The following TEP1 variants were observed in gnomAD, a reference collection of about 807,000 sequenced individuals.
The protein encoded by TEP1 is telomerase associated protein 1, also known as telomerase protein component 1.
In TEP1, 241 loss-of-function variants were observed where a neutral mutation model predicts 306.3. That is an observed-to-expected ratio of 0.79 (90% CI 0.71 to 0.88). The LOEUF (loss-of-function observed/expected upper bound fraction) is 0.88, where lower values mean the gene tolerates loss of function less well. Among genes scored for constraint, TEP1 ranks in the 40% least tolerant of loss-of-function variants. TEP1 has a pLI of 0.00. For synonymous variants in TEP1, 1,289 were observed against 1,305.5 expected (o/e 0.99, Z 0.27); for missense variants, 3,051 against 3,276.1 (o/e 0.93, Z 1.68).
intron 1 of TEP1, among the ~76,000 whole-genome samples, chr14:20,413,181 C>T (rs1879805983): frequency 6.6e-6 from 1 of 152,146 alleles, no homozygotes; most frequent in South Asian, 2.1e-4. Flanking sequence ...TTCTCACCTC[C>T]CCTTTCACGC....
Position 20,377,108 on chromosome 14 carries a change from G to A in TEP1, c.6088+172C>T, listed in dbSNP as rs1458705549. Among the ~76,000 whole-genome samples the A allele has an allele frequency of 4.6e-5, 7 of 152,148 alleles. No individual in the cohort carries two copies. In the East Asian group the frequency reaches 1.4e-3, roughly 29 times the overall value. ...CGCATGCCTGTAATCCCAGCTACTCGGGAGGCCGAGACAGGAGAATTGCTT... is the reference window on the plus strand; with the variant it reads ...CGCATGCCTGTAATCCCAGCTACTCAGGAGGCCGAGACAGGAGAATTGCTT... On this transcript the variant is annotated intron_variant, in intron 41 of 54. Transcript: ENST00000262715.
chr14:20,392,973 C>A (rs566706267), intron 12 of TEP1, among the ~76,000 whole-genome samples: 33 of 148,966 alleles, frequency 2.2e-4, no homozygotes, highest in African/African-American at 6.6e-4. Flanking sequence ...AATCCCAACA[C>A]TTTAGGAGGC....
chr14:20,389,766 C>T, intron 15 of TEP1, 26 bp from the exon 16 acceptor site: 1 of 1,613,168 alleles, frequency 6.2e-7, no homozygotes, highest in South Asian at 1.1e-5. Flanking sequence ...GGAGAAGATG[C>T]TAGAGAAGGG....
intron 9 of TEP1, among the ~76,000 whole-genome samples, chr14:20,398,372 C>T (rs111542385): frequency 0.011 from 1,540 of 134,318 alleles, 15 homozygotes; most frequent in Middle Eastern, 0.018. Flanking sequence ...AGTGAGACTC[C>T]GCCCAAAAAA....
Position 20,403,827 on chromosome 14 carries a change from C to A in TEP1, c.1090G>T (p.Ala364Ser). The A allele has an allele frequency of 6.2e-7, 1 of 1,614,140 alleles. No individual in the cohort carries two copies. Among genetic ancestry groups the A allele is most frequent in the Non-Finnish European group, 8.5e-7 (1 of 1,180,016 alleles). The stretch of plus-strand genomic sequence containing the variant: ...AACTGGGCAAATTTGTCCGTCATGG[C>A]AGTACGGAGACAGGCGGGCAGGGGC... ...LVPLPACLRT[A>S]MTDKFAQFDE... Residue 364 changes from alanine to serine, a missense_variant, in exon 6 of 55, where the codon GCC (alanine) becomes TCC (serine). Around this residue, in one of 3 missense-constraint regions of TEP1, gnomAD observed 1,507 missense variants for 1,550.5 expected, o/e 0.97. Transcript: ENST00000262715.
chr14:20,375,664 T>C (rs1885130569), intron 43 of TEP1, 91 bp downstream of exon 43: 2 of 758,624 alleles, frequency 2.6e-6, no homozygotes, highest in Non-Finnish European at 4.6e-6. Context: ...TCACTATTAT[T>C]AATGGGTGCC....
chr14:20,395,421 C>T (rs973832651), intron 12 of TEP1, 29 bp downstream of exon 12: 9 of 1,539,594 alleles, frequency 5.8e-6, no homozygotes, highest in Non-Finnish European at 8.0e-6. Flanking sequence ...CGATTGCCCA[C>T]CCTTGGCTCC....
At position 20,382,279 on chromosome 14, in the gene TEP1, C is replaced by T; in HGVS notation, c.4218G>A (p.Glu1406=). The T allele has an allele frequency of 1.2e-6, 2 of 1,614,154 alleles. No homozygotes were observed. Among genetic ancestry groups the T allele is most frequent in the Non-Finnish European group, 1.7e-6 (2 of 1,180,030 alleles). The change falls in exon 29 of 55, where the codon GAG becomes GAA. Residue 1406 remains glutamate, a synonymous_variant. Transcript: ENST00000262715. Reference sequence around the variant, plus strand: ...CCTGGGGAAGGACATCAGGCCCGTGCTCCTTCTCCAGTGTGCTCAGGATGT... The same window carrying T: ...CCTGGGGAAGGACATCAGGCCCGTGTTCCTTCTCCAGTGTGCTCAGGATGT... The part of the protein sequence containing the change: ...LQHILSTLEK[E]HGPDVLPQAL...
intron 17 of TEP1, among the ~76,000 whole-genome samples, chr14:20,388,963 C>A (rs1366098525): frequency 2.0e-5 from 3 of 152,140 alleles, no homozygotes; most frequent in Admixed American, 2.0e-4. Flanking sequence ...GCCTGACCAA[C>A]ATGGTGAAAC....
rs773223189 is a variant in TEP1 at position 20,381,091 on chromosome 14, G to A, written c.4648-46C>T. 3 of 1,499,142 alleles carry A rather than the reference G, an allele frequency of 2.0e-6. No homozygotes were observed. The highest frequency in any genetic ancestry group is 2.8e-6 in the Non-Finnish European group (3 of 1,076,068). 92.9% of individuals were successfully genotyped at this position (1,499,142 alleles called of 1,614,324 possible). On this transcript the variant is annotated intron_variant, in intron 32 of 54. Transcript: ENST00000262715. This position sits in a 1 kb window ranked among gnomAD's most constrained non-coding sequence, Gnocchi z 4.0. ...TCATTAGGGATATGAAGGGGCTGGT[G>A]AGAAGGGACAGTTTAGTCTCAGAAC...
chr14:20,392,051 G>A (rs1311151789), intron 12 of TEP1, among the ~76,000 whole-genome samples: 2 of 152,182 alleles, frequency 1.3e-5, no homozygotes, highest in Non-Finnish European at 2.9e-5. Flanking sequence ...CTTACTTCAT[G>A]AAGCAAGATT....
At position 20,371,326 on chromosome 14, in the gene TEP1, G is replaced by C. The variant is rs762224177; in HGVS notation, c.7221-12C>G. The C allele has an allele frequency of 1.2e-6, 2 of 1,612,110 alleles. No homozygotes were observed. Among genetic ancestry groups the C allele is most frequent in the South Asian group, 2.2e-5 (2 of 91,052 alleles). ...CTGTATAGCTGCTCCTGGTTTGTGAGAAAGGAATAGGTTGAGCTCAGGATT... is the reference window on the plus strand; with the variant it reads ...CTGTATAGCTGCTCCTGGTTTGTGACAAAGGAATAGGTTGAGCTCAGGATT... On this transcript the variant is annotated splice_polypyrimidine_tract_variant and intron_variant, in intron 50 of 54. Transcript: ENST00000262715.
chr14:20,406,359 G>A lies in TEP1; in HGVS notation c.609C>T (p.Thr203=), dbSNP rs148837253. The A allele has an allele frequency of 5.6e-6, 9 of 1,613,980 alleles. No homozygotes were observed. Among genetic ancestry groups the A allele is most frequent in the Non-Finnish European group, 6.8e-6 (8 of 1,180,036 alleles). ...AGCTCAGACTATAAGAAGGCATTTG[G>A]GTCTCTGCCCCTTTCTTCTCTTCTG... The part of the protein sequence containing the change: ...FDSEEKKGAE[T]QMPSYSLSLG... The change falls in exon 3 of 55, where the codon ACC becomes ACT. Residue 203 remains threonine, a synonymous_variant. Coordinates refer to ENST00000262715, the MANE Select transcript of TEP1 (RefSeq NM_007110.5).
At chr14:20,413,127 C>G (rs994970306) in intron 1 of TEP1, among the ~76,000 whole-genome samples, 13 of 152,208 alleles carry the variant, frequency 8.5e-5, no homozygotes, top group African/African-American at 3.1e-4. Flanking sequence ...CTTACGTGGT[C>G]TCTCTTCCTG....
At position 20,389,313 on chromosome 14, in the gene TEP1, G is replaced by A. The variant is rs775124272; in HGVS notation, c.2466-16C>T. Reference sequence around the variant, plus strand: ...ATCTGTTGACCTGGCAAAGGAAGAAGCAGTCATTAACCATCACAAACAATA... The same window carrying A: ...ATCTGTTGACCTGGCAAAGGAAGAAACAGTCATTAACCATCACAAACAATA... On this transcript the variant is annotated splice_polypyrimidine_tract_variant and intron_variant, in intron 16 of 54. Coordinates refer to ENST00000262715, the MANE Select transcript of TEP1 (RefSeq NM_007110.5). The A allele has an allele frequency of 1.9e-6, 3 of 1,613,904 alleles. No homozygotes were observed. Among genetic ancestry groups the A allele is most frequent in the Non-Finnish European group, 1.7e-6 (2 of 1,179,892 alleles).
At chr14:20,386,997 C>T (rs532735886) in intron 18 of TEP1, among the ~76,000 whole-genome samples, 14 of 151,474 alleles carry the variant, frequency 9.2e-5, no homozygotes, top group Admixed American at 3.9e-4. Context: ...TAAAATGGCG[C>T]GATCTCGGCT....
At chr14:20,402,726 A>T (rs1018344989) in intron 7 of TEP1, among the ~76,000 whole-genome samples, 6 of 152,328 alleles carry the variant, frequency 3.9e-5, no homozygotes, top group Non-Finnish European at 5.9e-5. Context: ...ATGCTCTTAA[A>T]TGCTACGTAC....
intron 33 of TEP1, 69 bp downstream of exon 33, chr14:20,380,862 C>A: frequency 7.5e-7 from 1 of 1,331,804 alleles, no homozygotes; most frequent in Non-Finnish European, 1.1e-6. Context: ...CAACCCTGAG[C>A]AGGGCCCCCA....
chr14:20,403,791 G>A lies in TEP1; in HGVS notation c.1126C>T (p.Gln376Ter). 1.9e-6 allele frequency: 3 copies of A among 1,614,148 alleles called. No homozygotes were observed. The highest frequency in any genetic ancestry group is 1.7e-6 in the Non-Finnish European group (2 of 1,180,046). The part of the protein sequence containing the change: ...TDKFAQFDEY[Q>*]LAKYNPRKHR... The stretch of plus-strand genomic sequence containing the variant: ...TTCCGAGGGTTGTACTTAGCCAGCT[G>A]GTACTCGTCAAACTGGGCAAATTTG... Residue 376 changes from glutamine (Q) to a stop codon, truncating the protein, a stop_gained, in exon 6 of 55, where the codon CAG becomes TAG. Transcript: ENST00000262715. LOFTEE classifies it high-confidence loss of function.
Sources: gnomAD v4.1 joint callset for allele counts (sites outside exome capture counted in the v4.1 genomes callset) on GRCh38, gnomAD v4.1.1 for gene constraint, gnomAD v4.1.1 regional missense constraint, Gnocchi (gnomAD v3.1) non-coding constraint, MANE v1.5 for transcripts, NCBI Gene and HGNC (gene_info 2026-07-23, HGNC 2026-07-21) for gene names.